NR6A1: variants seen among roughly 807,000 people sequenced by gnomAD.
NR6A1 encodes the protein retinoic acid receptor-related testis-associated receptor.
A neutral mutation model predicts 59.1 loss-of-function variants in NR6A1; 7 were observed. The observed-to-expected ratio is 0.12, with a 90% CI of 0.07 to 0.22. The LOEUF (loss-of-function observed/expected upper bound fraction) is 0.22, where lower values mean the gene tolerates loss of function less well. Among genes scored for constraint, NR6A1 ranks in the 10% least tolerant of loss-of-function variants. NR6A1 has a pLI of 1.00. For missense variants in NR6A1, 468 were observed against 611.6 expected (o/e 0.77, Z 2.48); for synonymous variants, 243 against 236.1 (o/e 1.03, Z -0.27).
intron 7 of NR6A1, among the ~76,000 whole-genome samples, chr9:124,534,175 C>T (rs1003557863): frequency 6.6e-6 from 1 of 151,164 alleles, no homozygotes; most frequent in African/African-American, 2.4e-5. Context: ...CAGGTTCAAG[C>T]GATTCTCCTG....
rs547629614 is a variant in NR6A1, at chr9:124,595,156, T to C, written c.143-40586A>G. 5.9e-5 allele frequency among the ~76,000 whole-genome samples: 9 copies of C among 152,348 alleles called. No individual in the cohort carries two copies. The East Asian group carries it at 1.7e-3, about 29-fold the overall frequency. On this transcript the variant is annotated intron_variant, in intron 2 of 9. Coordinates refer to ENST00000487099, the MANE Select transcript of NR6A1 (RefSeq NM_033334.4). ...GAGACTATCCCAAATAAACAAGTTATAACACTAGTGACTATTCATTACATA... is the reference window on the plus strand; with the variant it reads ...GAGACTATCCCAAATAAACAAGTTACAACACTAGTGACTATTCATTACATA...
At chr9:124,530,344 C>T (rs180954755) in intron 7 of NR6A1, among the ~76,000 whole-genome samples, 1 of 152,202 alleles carries the variant, frequency 6.6e-6, no homozygotes, top group Non-Finnish European at 1.5e-5. Context: ...TTCCTCCACA[C>T]CCCGCATCCC....
intron 1 of NR6A1, among the ~76,000 whole-genome samples, chr9:124,770,634 G>A (rs1343827275): frequency 6.8e-6 from 1 of 147,058 alleles, no homozygotes; most frequent in Admixed American, 6.7e-5. Context: ...GAGCCCGGGG[G>A]GAGGGGAAGG....
chr9:124,724,629 G>A (rs942684541), intron 2 of NR6A1, among the ~76,000 whole-genome samples: 19 of 152,020 alleles, frequency 1.2e-4, no homozygotes, highest in African/African-American at 4.6e-4. Context: ...GTAATTACTT[G>A]TAGGATTATG....
At chr9:124,546,553 C>G (rs1833607275) in intron 3 of NR6A1, among the ~76,000 whole-genome samples, 2 of 152,174 alleles carry the variant, frequency 1.3e-5, no homozygotes, top group African/African-American at 4.8e-5. Context: ...ATTCTTACTA[C>G]TGTTGCAAAT....
intron 2 of NR6A1, among the ~76,000 whole-genome samples, chr9:124,646,080 T>A (rs1836920969): frequency 6.6e-6 from 1 of 152,154 alleles, no homozygotes; most frequent in Non-Finnish European, 1.5e-5. Flanking sequence ...AATAAAAATA[T>A]AATTCATCAA....
intron 1 of NR6A1, among the ~76,000 whole-genome samples, chr9:124,746,815 CATG>C (rs764522221): frequency 5.3e-4 from 81 of 152,178 alleles, no homozygotes; most frequent in Admixed American, 8.5e-4. Context: ...TAGTGTTTTC[CATG>C]TATAGGCTGC....
At chr9:124,769,389 T>C (rs1424132523) in intron 1 of NR6A1, among the ~76,000 whole-genome samples, 2 of 152,196 alleles carry the variant, frequency 1.3e-5, no homozygotes, top group African/African-American at 4.8e-5. Context: ...ACTAACAAAA[T>C]GTTTGACTAG....
intron 1 of NR6A1, among the ~76,000 whole-genome samples, chr9:124,761,494 A>G (rs568774369): frequency 1.3e-5 from 2 of 152,330 alleles, no homozygotes; most frequent in African/African-American, 4.8e-5. Context: ...TTAACAACAC[A>G]GTAATTGACT....
chr9:124,554,092 G>A (rs569233028), intron 3 of NR6A1, among the ~76,000 whole-genome samples: 26 of 152,092 alleles, frequency 1.7e-4, no homozygotes, highest in Non-Finnish European at 3.5e-4. Context: ...TGTTAAGTGG[G>A]TTCTTGGTCA....
At chr9:124,650,957 C>T (rs942342992) in intron 2 of NR6A1, among the ~76,000 whole-genome samples, 1 of 152,188 alleles carries the variant, frequency 6.6e-6, no homozygotes, top group Non-Finnish European at 1.5e-5. Flanking sequence ...CCAAAAGGCA[C>T]TGGCAATGCT....
At chr9:124,646,992 G>GT (rs1374822998) in intron 2 of NR6A1, among the ~76,000 whole-genome samples, 1 of 152,138 alleles carries the variant, frequency 6.6e-6, no homozygotes, top group African/African-American at 2.4e-5. Flanking sequence ...ATAGCTCACC[G>GT]TAACCTCAAA....
chr9:124,554,635 G>A (rs773349579), intron 2 of NR6A1, 65 bp from the exon 3 acceptor site: 132 of 1,603,018 alleles, frequency 8.2e-5, no homozygotes, highest in Non-Finnish European at 1.0e-4. Flanking sequence ...CCTAAAGTGA[G>A]CAACTCTGCT....
intron 2 of NR6A1, among the ~76,000 whole-genome samples, chr9:124,613,622 C>G (rs1157719272): frequency 6.6e-6 from 1 of 152,142 alleles, no homozygotes; most frequent in African/African-American, 2.4e-5. Context: ...GAGCAAGCCA[C>G]TTTCACTCCA....
chr9:124,556,724 G>A (rs1278474278), intron 2 of NR6A1, among the ~76,000 whole-genome samples: 1 of 152,114 alleles, frequency 6.6e-6, no homozygotes, highest in Admixed American at 6.6e-5. Flanking sequence ...GCCTCCCAAA[G>A]TGCTGGGATT....
chr9:124,621,043 G>A (rs1355539957), intron 2 of NR6A1, among the ~76,000 whole-genome samples: 2 of 152,128 alleles, frequency 1.3e-5, no homozygotes, highest in South Asian at 2.1e-4. Flanking sequence ...AGCCCAGATC[G>A]AAACACAACT....
chr9:124,715,067 G>A (rs567337172), intron 2 of NR6A1, among the ~76,000 whole-genome samples: 3 of 152,178 alleles, frequency 2.0e-5, no homozygotes, highest in South Asian at 2.1e-4. Context: ...GCATGGTGGT[G>A]CACACCTGTA....
At chr9:124,566,398 T>TA (rs1265610929) in intron 2 of NR6A1, among the ~76,000 whole-genome samples, 1 of 152,140 alleles carries the variant, frequency 6.6e-6, no homozygotes, top group Non-Finnish European at 1.5e-5. Flanking sequence ...ATTTCATAAT[T>TA]AAAAAGCTGA....
intron 2 of NR6A1, among the ~76,000 whole-genome samples, chr9:124,655,692 A>G (rs1250303883): frequency 6.6e-6 from 1 of 152,164 alleles, no homozygotes; most frequent in Non-Finnish European, 1.5e-5. Context: ...GCTGGAAAGA[A>G]TCTTCCCTTC....
Sources: gnomAD v4.1 joint callset for allele counts (sites outside exome capture counted in the v4.1 genomes callset) on GRCh38, gnomAD v4.1.1 for gene constraint, MANE v1.5 for transcripts, NCBI Gene and HGNC (gene_info 2026-07-23, HGNC 2026-07-21) for gene names.